Variants in LRFN5 observed in about 807,000 individuals in gnomAD.
LRFN5 encodes the protein leucine rich repeat and fibronectin type III domain containing 5.
A neutral mutation model predicts 45.6 loss-of-function variants in LRFN5; 24 were observed. That is an observed-to-expected ratio of 0.53 (90% CI 0.38 to 0.74). The LOEUF is 0.74. Among genes scored for constraint, LRFN5 ranks in the 30% least tolerant of loss-of-function variants. The pLI, the probability that LRFN5 is intolerant of heterozygous loss-of-function variation, is 0.00. For synonymous variants in LRFN5, 340 were observed against 313.8 expected, an observed-to-expected ratio of 1.08 and a Z score of -0.88; for missense variants, 776 against 861.5, an observed-to-expected ratio of 0.90 and a Z score of 1.24.
chr14:41,772,054 C>T (rs895702976), intron 2 of LRFN5, among the ~76,000 whole-genome samples: 7 of 152,080 alleles, frequency 4.6e-5, no homozygotes, highest in Non-Finnish European at 8.8e-5. Flanking sequence ...GGAAGCTTAC[C>T]GTCATGGCAG....
intron 1 of LRFN5, among the ~76,000 whole-genome samples, chr14:41,744,757 A>T (rs767663531): frequency 6.6e-6 from 1 of 152,194 alleles, no homozygotes; most frequent in African/African-American, 2.4e-5. Context: ...GTAATAGCAG[A>T]TGAAATAAAC....
intron 1 of LRFN5, among the ~76,000 whole-genome samples, chr14:41,738,488 T>C (rs1884545123): frequency 6.6e-6 from 1 of 152,176 alleles, no homozygotes; most frequent in Non-Finnish European, 1.5e-5. Flanking sequence ...AAGCCAAAAT[T>C]GACAAATGGG....
intron 1 of LRFN5, among the ~76,000 whole-genome samples, chr14:41,728,042 T>C (rs73307205): frequency 0.045 from 6,815 of 152,220 alleles, 339 homozygotes; most frequent in African/African-American, 0.12. Flanking sequence ...CCATGCTTAT[T>C]TTCAGGTTTC....
At chr14:41,696,293 A>G (rs994904834) in intron 1 of LRFN5, among the ~76,000 whole-genome samples, 2 of 151,960 alleles carry the variant, frequency 1.3e-5, no homozygotes, top group African/African-American at 2.4e-5. Context: ...TGCTGTGAAC[A>G]TTGTTGAAAT....
At chr14:41,745,466 T>G (rs1884883824) in intron 1 of LRFN5, among the ~76,000 whole-genome samples, 1 of 151,960 alleles carries the variant, frequency 6.6e-6, no homozygotes, top group South Asian at 2.1e-4. Flanking sequence ...CTTTACAATT[T>G]CTGGAACTAG....
chr14:41,651,519 G>T (rs1373721577), intron 1 of LRFN5, among the ~76,000 whole-genome samples: 1 of 152,104 alleles, frequency 6.6e-6, no homozygotes, highest in Non-Finnish European at 1.5e-5. Flanking sequence ...TGTAGTGTAG[G>T]TAATTCTTTA....
rs1368012928 is a variant in LRFN5, at chr14:41,754,165, C to A, written c.-196-12689C>A. Among the ~76,000 whole-genome samples, 4 of 152,108 alleles carry A rather than the reference C, an allele frequency of 2.6e-5. No homozygotes were observed. The East Asian group carries it at 5.8e-4, about 22-fold the overall frequency. On this transcript the variant is annotated intron_variant, in intron 1 of 5. Coordinates refer to ENST00000298119, the MANE Select transcript of LRFN5 (RefSeq NM_152447.5). ...TTGATGTGCTGCTGGATTCGGTTTG[C>A]CAGTATTTTATTGAGGATTTTTGCA...
At chr14:41,717,104 C>T (rs1025806107) in intron 1 of LRFN5, among the ~76,000 whole-genome samples, 2 of 152,098 alleles carry the variant, frequency 1.3e-5, no homozygotes, top group East Asian at 1.9e-4. Context: ...TTTCTTTTAA[C>T]GAATCTAAGC....
Position 41,754,127 on chromosome 14 carries a change from G to T in LRFN5, c.-196-12727G>T, listed in dbSNP as rs540569915. On this transcript the variant is annotated intron_variant, in intron 1 of 5. Coordinates refer to ENST00000298119, the MANE Select transcript of LRFN5 (RefSeq NM_152447.5). Reference sequence around the variant, plus strand: ...CAGGGATAAAACCCACTTGATCATGGTGGATAAGCTTTTTGATGTGCTGCT... The same window carrying T: ...CAGGGATAAAACCCACTTGATCATGTTGGATAAGCTTTTTGATGTGCTGCT... Among the ~76,000 whole-genome samples, 39 of 152,288 alleles carry T rather than the reference G, an allele frequency of 2.6e-4. No homozygotes were observed. In the East Asian group the frequency reaches 6.9e-3, roughly 27 times the overall value.
intron 1 of LRFN5, among the ~76,000 whole-genome samples, chr14:41,684,326 A>C (rs550348703): frequency 3.8e-4 from 56 of 147,786 alleles, no homozygotes; most frequent in African/African-American, 1.4e-3. Flanking sequence ...AATTTATAAA[A>C]GAAAGAGGTT....
intron 2 of LRFN5, among the ~76,000 whole-genome samples, chr14:41,879,822 C>T (rs1890311377): frequency 6.6e-6 from 1 of 150,622 alleles, no homozygotes; most frequent in African/African-American, 2.4e-5. Flanking sequence ...TATGTATTGG[C>T]ATGACAGGGG....
intron 1 of LRFN5, among the ~76,000 whole-genome samples, chr14:41,729,439 A>G (rs1884075432): frequency 6.6e-6 from 1 of 152,114 alleles, no homozygotes; most frequent in Admixed American, 6.6e-5. Flanking sequence ...TAGAACCATG[A>G]GCCAATTAAA....
chr14:41,670,809 GTTTT>G (rs1384882540), intron 1 of LRFN5, among the ~76,000 whole-genome samples: 1 of 151,844 alleles, frequency 6.6e-6, no homozygotes, highest in Non-Finnish European at 1.5e-5. Flanking sequence ...TAAATTTTCT[GTTTT>G]TTAACTTCCA....
At chr14:41,711,396 C>G (rs993158275) in intron 1 of LRFN5, among the ~76,000 whole-genome samples, 1 of 152,066 alleles carries the variant, frequency 6.6e-6, no homozygotes, top group African/African-American at 2.4e-5. Context: ...AGATGAGGGT[C>G]TCATAGGAGT....
chr14:41,864,195 A>G lies in LRFN5; in HGVS notation c.-20-22411A>G, dbSNP rs531464809. Among the ~76,000 whole-genome samples the G allele has an allele frequency of 5.9e-5, 9 of 152,176 alleles. No individual in the cohort carries two copies. In the South Asian group the frequency reaches 1.9e-3, roughly 32 times the overall value. ...TCCTTTGGGTATAACCCAGTAATGGAATTGCTGGGTCACATGGTATTTCTG... is the reference window on the plus strand; with the variant it reads ...TCCTTTGGGTATAACCCAGTAATGGGATTGCTGGGTCACATGGTATTTCTG... On this transcript the variant is annotated intron_variant, in intron 2 of 5. Coordinates refer to ENST00000298119, the MANE Select transcript of LRFN5 (RefSeq NM_152447.5).
At chr14:41,752,777 C>A (rs1885194741) in intron 1 of LRFN5, among the ~76,000 whole-genome samples, 1 of 152,110 alleles carries the variant, frequency 6.6e-6, no homozygotes, top group Admixed American at 6.5e-5. Context: ...TAATTAGATC[C>A]CATTTGTCAA....
intron 1 of LRFN5, among the ~76,000 whole-genome samples, chr14:41,660,217 G>C (rs557084267): frequency 7.8e-4 from 118 of 151,984 alleles, no homozygotes; most frequent in African/African-American, 2.7e-3. Context: ...ATAGTGAGGA[G>C]GTTTCTTCAT....
intron 1 of LRFN5, among the ~76,000 whole-genome samples, chr14:41,730,767 T>C (rs183177927): frequency 6.6e-6 from 1 of 152,026 alleles, no homozygotes; most frequent in Admixed American, 6.6e-5. Flanking sequence ...TATATATCTG[T>C]ATGATTTTAT....
intron 4 of LRFN5, chr14:41,892,535 A>G (rs1890822064): frequency 1.0e-6 from 1 of 974,440 alleles, no homozygotes; most frequent in African/African-American, 1.8e-5. Context: ...GATAATTGAT[A>G]TTTTTAATAA....
Sources: gnomAD v4.1 joint callset for allele counts (sites outside exome capture counted in the v4.1 genomes callset) on GRCh38, gnomAD v4.1.1 for gene constraint, MANE v1.5 for transcripts, NCBI Gene and HGNC (gene_info 2026-07-23, HGNC 2026-07-21) for gene names.